Variants in COL13A1 observed in about 807,000 individuals in gnomAD.
COL13A1 encodes the protein collagen type XIII alpha 1 chain.
COL13A1 carries 89 observed loss-of-function variants against 130.9 expected under a neutral mutation model. The observed-to-expected ratio is 0.68, with a 90% CI of 0.57 to 0.81. The LOEUF is 0.81. Ranked by LOEUF, COL13A1 falls within the 30% of genes least tolerant of loss-of-function variation. COL13A1 has a pLI of 0.00. For synonymous variants in COL13A1, 402 were observed against 341.6 expected (o/e 1.18, Z -1.95); for missense variants, 879 against 934.6 (o/e 0.94, Z 0.78).
chr10:69,821,322 C>G (rs946368945), intron 1 of COL13A1, among the ~76,000 whole-genome samples: 1 of 152,224 alleles, frequency 6.6e-6, no homozygotes, highest in Non-Finnish European at 1.5e-5. Flanking sequence ...GGGCTACCAG[C>G]TTCCTATGGC....
Position 69,922,931 on chromosome 10 carries a change from T to C in COL13A1, c.1230+137T>C, listed in dbSNP as rs1160173048. 3.1e-5 allele frequency: 18 copies of C among 575,788 alleles called. No homozygotes were observed. The East Asian group carries it at 5.5e-4, about 18-fold the overall frequency. 35.7% of individuals were successfully genotyped at this position (575,788 alleles called of 1,614,324 possible). Reference sequence around the variant, plus strand: ...TGCTCCAGATGTGTGGTTTTCCCCATGGATTCCAAAAAGGCCATTTGGACC... The same window carrying C: ...TGCTCCAGATGTGTGGTTTTCCCCACGGATTCCAAAAAGGCCATTTGGACC... On this transcript the variant is annotated intron_variant, in intron 23 of 40. Transcript: ENST00000645393.
intron 34 of COL13A1, among the ~76,000 whole-genome samples, chr10:69,940,207 T>A (rs985698757): frequency 6.9e-6 from 1 of 144,094 alleles, no homozygotes; most frequent in Non-Finnish European, 1.5e-5. Flanking sequence ...AGCAGGTTGG[T>A]CTCAGTAGCT....
chr10:69,813,930 T>G (rs930975408), intron 1 of COL13A1, among the ~76,000 whole-genome samples: 6 of 152,162 alleles, frequency 3.9e-5, no homozygotes, highest in Admixed American at 2.6e-4. Context: ...ATCCCAATTC[T>G]GCCAAAGCCC....
In COL13A1 at chr10:69,837,803, C is replaced by T. The variant is rs559122716; in HGVS notation, c.364+15365C>T. 1.9e-3 allele frequency among the ~76,000 whole-genome samples: 139 copies of T among 73,892 alleles called. 1 individual carries two copies. The highest frequency in any genetic ancestry group is 0.019 in the Middle Eastern group (3 of 162). The allele number at this position is 73,892 out of a possible 152,430, so 48.5% of individuals were successfully genotyped here. A position where few individuals can be genotyped will look rare whatever the true frequency, so the allele number is the denominator to read the frequency against. On this transcript the variant is annotated intron_variant, in intron 2 of 40. Coordinates refer to ENST00000645393, the MANE Select transcript of COL13A1 (RefSeq NM_001368882.1). ...CGATCCTGCCAAATAAATAAATAAACGCAGAGAAGAAGACAGATTTCATTA... is the reference window on the plus strand; with the variant it reads ...CGATCCTGCCAAATAAATAAATAAATGCAGAGAAGAAGACAGATTTCATTA...
intron 15 of COL13A1, among the ~76,000 whole-genome samples, chr10:69,903,424 C>T (rs942986441): frequency 5.1e-4 from 78 of 152,216 alleles, no homozygotes; most frequent in African/African-American, 1.8e-3. Flanking sequence ...ACTGGCACCT[C>T]TCCAGGCTGG....
intron 21 of COL13A1, among the ~76,000 whole-genome samples, chr10:69,920,228 T>C (rs1157743083): frequency 6.6e-6 from 1 of 152,246 alleles, no homozygotes; most frequent in Non-Finnish European, 1.5e-5. Context: ...GCACCTTCTG[T>C]GGCTCCCACT....
chr10:69,873,742 G>A (rs904039883), intron 4 of COL13A1, among the ~76,000 whole-genome samples: 4 of 152,222 alleles, frequency 2.6e-5, no homozygotes, highest in African/African-American at 4.8e-5. Flanking sequence ...AGCCAATTTC[G>A]GATCCACGGG....
At chr10:69,911,353 G>A (rs2063361915) in intron 17 of COL13A1, among the ~76,000 whole-genome samples, 1 of 152,228 alleles carries the variant, frequency 6.6e-6, no homozygotes, top group South Asian at 2.1e-4. Flanking sequence ...TGTGTACTAG[G>A]CACTTTGCAT....
At chr10:69,853,436 C>T (rs1380837956) in intron 2 of COL13A1, among the ~76,000 whole-genome samples, 2 of 152,210 alleles carry the variant, frequency 1.3e-5, no homozygotes, top group Non-Finnish European at 1.5e-5. Context: ...TGTGAGGGAA[C>T]ACATGTGCCC....
chr10:69,814,651 G>T (rs1337319876), intron 1 of COL13A1, among the ~76,000 whole-genome samples: 3 of 152,228 alleles, frequency 2.0e-5, no homozygotes, highest in Non-Finnish European at 4.4e-5. Context: ...GTCCAGAGGG[G>T]TTATAGATTT....
rs113313806 is a variant in COL13A1, at chr10:69,806,751, A to G, written c.294+4034A>G. Among the ~76,000 whole-genome samples, 1,078 of 152,338 alleles carry G rather than the reference A, an allele frequency of 7.1e-3. 12 individuals are homozygous for G. Among genetic ancestry groups the G allele is most frequent in the African/African-American group, 0.024 (1,018 of 41,578 alleles). ...GCCGGGTGCAGTGGCTCATGCCTGT[A>G]ATCCCAGCACTTTGGGAGGCCAAGG... On this transcript the variant is annotated intron_variant, in intron 1 of 40. Transcript: ENST00000645393.
At chr10:69,907,017 C>G (rs1288237529) in intron 17 of COL13A1, among the ~76,000 whole-genome samples, 2 of 152,198 alleles carry the variant, frequency 1.3e-5, no homozygotes, top group East Asian at 3.8e-4. Flanking sequence ...GCGTGAGCCA[C>G]CGCGCCCAGT....
At chr10:69,871,676 A>T (rs566883451) in intron 3 of COL13A1, among the ~76,000 whole-genome samples, 87 of 152,310 alleles carry the variant, frequency 5.7e-4, no homozygotes, top group South Asian at 4.8e-3. Flanking sequence ...GAACAGTGGG[A>T]TGTCTGGAAG....
At chr10:69,803,616 T>C (rs1589105021) in intron 1 of COL13A1, among the ~76,000 whole-genome samples, 1 of 152,148 alleles carries the variant, frequency 6.6e-6, no homozygotes, top group Non-Finnish European at 1.5e-5. Flanking sequence ...GAAGAGGTCC[T>C]GGAGCAGGTC....
intron 3 of COL13A1, among the ~76,000 whole-genome samples, chr10:69,871,314 A>T (rs72805153): frequency 0.21 from 32,510 of 152,056 alleles, 3,652 homozygotes; most frequent in Middle Eastern, 0.28. Flanking sequence ...TGTCTTGAGG[A>T]TTACTGAGAG....
At chr10:69,851,898 AC>A (rs1854958219) in intron 2 of COL13A1, among the ~76,000 whole-genome samples, 1 of 151,912 alleles carries the variant, frequency 6.6e-6, no homozygotes, top group Non-Finnish European at 1.5e-5. Flanking sequence ...CAGGTGATCC[AC>A]CCGCCTCAGC....
At chr10:69,853,040 C>G (rs1249397203) in intron 2 of COL13A1, among the ~76,000 whole-genome samples, 1 of 152,144 alleles carries the variant, frequency 6.6e-6, no homozygotes, top group East Asian at 1.9e-4. Context: ...GGGGAGGGGG[C>G]TCTGTGCAGC....
intron 2 of COL13A1, among the ~76,000 whole-genome samples, chr10:69,866,856 A>G (rs1387919364): frequency 2.0e-5 from 3 of 152,146 alleles, no homozygotes; most frequent in Non-Finnish European, 4.4e-5. Context: ...TTGGCCGAGC[A>G]TAAAAGAAGC....
chr10:69,876,135 T>C (rs972147169), intron 5 of COL13A1, among the ~76,000 whole-genome samples: 4 of 152,252 alleles, frequency 2.6e-5, no homozygotes, highest in Admixed American at 6.5e-5. Context: ...GCTAAGAGCC[T>C]TATGTTAGCT....
Sources: gnomAD v4.1 joint callset for allele counts (sites outside exome capture counted in the v4.1 genomes callset) on GRCh38, gnomAD v4.1.1 for gene constraint, MANE v1.5 for transcripts, NCBI Gene and HGNC (gene_info 2026-07-23, HGNC 2026-07-21) for gene names.